TMEM117: variants seen among roughly 807,000 people sequenced by gnomAD.
TMEM117 encodes the protein transmembrane protein 117.
A neutral mutation model predicts 52.4 loss-of-function variants in TMEM117; 27 were observed. The observed-to-expected ratio is 0.51, with a 90% CI of 0.38 to 0.71. The LOEUF (loss-of-function observed/expected upper bound fraction) is 0.71, where lower values mean the gene tolerates loss of function less well. Ranked by LOEUF, TMEM117 falls within the 30% of genes least tolerant of loss-of-function variation. TMEM117 has a pLI of 0.00. For synonymous variants in TMEM117, 215 were observed against 206.3 expected (o/e 1.04, Z -0.36); for missense variants, 556 against 630.5 (o/e 0.88, Z 1.26).
Position 43,851,506 on chromosome 12 carries a change from TG to T in TMEM117, c.277+6584del, listed in dbSNP as rs920834604. 3.9e-4 allele frequency among the ~76,000 whole-genome samples: 60 copies of T among 152,278 alleles called. 1 individual carries two copies. Among genetic ancestry groups the T allele is most frequent in the African/African-American group, 1.4e-3 (60 of 41,564 alleles). ...TGTTTTAATAATGCATCCTAGCTTT[TG>T]GGGGGATTATACTTTAGACATATCC... is the stretch of plus-strand genomic sequence containing the variant. On this transcript the variant is annotated intron_variant, in intron 2 of 7. Transcript: ENST00000266534.
At chr12:44,205,541 A>G (rs1168976503) in intron 4 of TMEM117, among the ~76,000 whole-genome samples, 1 of 152,168 alleles carries the variant, frequency 6.6e-6, no homozygotes, top group Non-Finnish European at 1.5e-5. Flanking sequence ...ATTTATAGGG[A>G]ACTTAAATAA....
chr12:43,886,475 A>T (rs1276699957), intron 2 of TMEM117, among the ~76,000 whole-genome samples: 1 of 152,188 alleles, frequency 6.6e-6, no homozygotes, highest in East Asian at 1.9e-4. Flanking sequence ...GTCAGATTGC[A>T]GTTGGTTCAG....
At chr12:44,094,456 A>G (rs1444450972) in intron 3 of TMEM117, among the ~76,000 whole-genome samples, 7 of 152,060 alleles carry the variant, frequency 4.6e-5, no homozygotes, top group African/African-American at 1.4e-4. Context: ...CTAAATTTTT[A>G]TTTTGGCTGG....
chr12:43,959,202 G>C (rs531664324), intron 3 of TMEM117, among the ~76,000 whole-genome samples: 1 of 152,282 alleles, frequency 6.6e-6, no homozygotes, highest in Non-Finnish European at 1.5e-5. Flanking sequence ...GACTTCGAAG[G>C]CTGAAAGAAA....
At chr12:43,995,660 A>G (rs930798486) in intron 3 of TMEM117, among the ~76,000 whole-genome samples, 2 of 152,190 alleles carry the variant, frequency 1.3e-5, no homozygotes, top group Admixed American at 6.5e-5. Context: ...CCCAATATGT[A>G]GTCTTTCATC....
At chr12:43,818,431 GTGTTTTTTTTT>G in the TMEM117 span, among the ~76,000 whole-genome samples, 1 of 138,136 alleles carries the variant, frequency 7.2e-6, no homozygotes, top group Non-Finnish European at 1.6e-5. Context: ...TTTTTTTTTT[GTGTTTTTTTTT>G]TGTTTTTATT....
At chr12:43,910,145 C>T (rs1240878425) in intron 2 of TMEM117, among the ~76,000 whole-genome samples, 1 of 141,776 alleles carries the variant, frequency 7.1e-6, no homozygotes, top group Non-Finnish European at 1.5e-5. Flanking sequence ...GCTTATCCAC[C>T]ATGATCAAGT....
At chr12:44,378,262 C>T (rs1951970412) in intron 7 of TMEM117, among the ~76,000 whole-genome samples, 1 of 151,760 alleles carries the variant, frequency 6.6e-6, no homozygotes, top group Non-Finnish European at 1.5e-5. Flanking sequence ...AAATGGAGAG[C>T]CCATTGGTAA....
intron 3 of TMEM117, among the ~76,000 whole-genome samples, chr12:43,973,045 T>C (rs530057147): frequency 3.3e-5 from 5 of 152,332 alleles, no homozygotes; most frequent in Admixed American, 3.3e-4. Context: ...AGTAATTTGA[T>C]ACCCCCAAAA....
intron 5 of TMEM117, among the ~76,000 whole-genome samples, chr12:44,284,245 G>A (rs1010184678): frequency 3.9e-5 from 6 of 152,046 alleles, no homozygotes; most frequent in Non-Finnish European, 8.8e-5. Flanking sequence ...CCGAGAGGTG[G>A]AGGTTTCAGT....
At chr12:44,191,679 C>T (rs1293200047) in intron 4 of TMEM117, among the ~76,000 whole-genome samples, 1 of 152,072 alleles carries the variant, frequency 6.6e-6, no homozygotes, top group African/African-American at 2.4e-5. Context: ...AAAATAGTAC[C>T]TCATCCAGGT....
intron 5 of TMEM117, among the ~76,000 whole-genome samples, chr12:44,221,009 C>G (rs1191739174): frequency 6.6e-6 from 1 of 152,118 alleles, no homozygotes; most frequent in Non-Finnish European, 1.5e-5. Flanking sequence ...CTTAACTCCC[C>G]ACCCCTTGAG....
intron 3 of TMEM117, among the ~76,000 whole-genome samples, chr12:44,106,758 G>A (rs1947962538): frequency 1.3e-5 from 2 of 151,536 alleles, no homozygotes; most frequent in South Asian, 4.2e-4. Flanking sequence ...TGATACCACA[G>A]AGTTACAGAT....
At chr12:44,310,429 G>A (rs1370910137) in intron 6 of TMEM117, among the ~76,000 whole-genome samples, 2 of 152,106 alleles carry the variant, frequency 1.3e-5, no homozygotes, top group Non-Finnish European at 2.9e-5. Context: ...ACCTGAGGTC[G>A]GGAGTTCAAG....
chr12:43,946,597 G>T (rs1030113363), intron 3 of TMEM117, among the ~76,000 whole-genome samples: 1 of 152,012 alleles, frequency 6.6e-6, no homozygotes, highest in Non-Finnish European at 1.5e-5. Context: ...ATTAAATCTC[G>T]CAGTGACTCC....
chr12:44,253,340 C>T (rs1322585610), intron 5 of TMEM117, among the ~76,000 whole-genome samples: 1 of 152,104 alleles, frequency 6.6e-6, no homozygotes, highest in Non-Finnish European at 1.5e-5. Flanking sequence ...AAGGGATGTT[C>T]AGGATGATGA....
At chr12:44,185,545 TAAA>T (rs919126456) in intron 4 of TMEM117, among the ~76,000 whole-genome samples, 29 of 152,222 alleles carry the variant, frequency 1.9e-4, no homozygotes, top group African/African-American at 6.7e-4. Context: ...CATTGGTGCT[TAAA>T]AAAAGCCTTT....
Position 44,107,607 on chromosome 12 carries a change from C to G in TMEM117, c.411-35918C>G, listed in dbSNP as rs981182355. Among the ~76,000 whole-genome samples, 15 of 152,102 alleles carry G rather than the reference C, an allele frequency of 9.9e-5. No individual in the cohort carries two copies. In the East Asian group the frequency reaches 2.5e-3, roughly 25 times the overall value. The stretch of plus-strand genomic sequence containing the variant: ...ATATAGTAATGAAGGGTAAACAGCA[C>G]AGACTGAATTTTTAATTTTTCGACT... On this transcript the variant is annotated intron_variant, in intron 3 of 7. Coordinates refer to ENST00000266534, the MANE Select transcript of TMEM117 (RefSeq NM_032256.3).
intron 6 of TMEM117, among the ~76,000 whole-genome samples, chr12:44,366,471 G>A (rs840771): frequency 0.69 from 105,332 of 151,958 alleles, 38,121 homozygotes; most frequent in East Asian, 0.9. Flanking sequence ...TTCTCCAACA[G>A]CAAAATGTAT....
Sources: gnomAD v4.1 joint callset for allele counts (sites outside exome capture counted in the v4.1 genomes callset) on GRCh38, gnomAD v4.1.1 for gene constraint, MANE v1.5 for transcripts, NCBI Gene and HGNC (gene_info 2026-07-23, HGNC 2026-07-21) for gene names.